Variants in TAFA5 observed in about 807,000 individuals in gnomAD.
TAFA5 encodes chemokine-like protein TAFA-5.
TAFA5 carries 6 observed loss-of-function variants against 15.3 expected under a neutral mutation model. The ratio of observed to expected loss-of-function variants is 0.39; its 90% CI spans 0.21 to 0.77. The LOEUF (loss-of-function observed/expected upper bound fraction) is 0.77. Ranked by LOEUF, TAFA5 falls within the 30% of genes least tolerant of loss-of-function variation. The pLI is 0.41. For synonymous variants in TAFA5, 103 were observed against 80.7 expected, an observed-to-expected ratio of 1.28 and a Z score of -1.48; for missense variants, 161 against 193.1, an observed-to-expected ratio of 0.83 and a Z score of 0.98.
chr22:48,654,425 T>C (rs4925421), intron 2 of TAFA5, among the ~76,000 whole-genome samples: 44,929 of 152,118 alleles, frequency 0.3, 7,652 homozygotes, highest in East Asian at 0.56. Context: ...CCACTCGTGC[T>C]CCTGCCTTGA....
chr22:48,700,831 G>A (rs1421412847), intron 2 of TAFA5, among the ~76,000 whole-genome samples: 3 of 152,206 alleles, frequency 2.0e-5, no homozygotes, highest in Admixed American at 2.0e-4. Flanking sequence ...AAGTTCAGAT[G>A]TCTGATCCTG....
intron 2 of TAFA5, among the ~76,000 whole-genome samples, chr22:48,704,161 A>G (rs1929004063): frequency 6.6e-6 from 1 of 150,830 alleles, no homozygotes; most frequent in Non-Finnish European, 1.5e-5. Flanking sequence ...CATGTCCTTC[A>G]GTGTTGGTGC....
At chr22:48,499,551 G>A (rs1358150564) in intron 1 of TAFA5, among the ~76,000 whole-genome samples, 3 of 152,162 alleles carry the variant, frequency 2.0e-5, no homozygotes, top group African/African-American at 7.2e-5. Context: ...CTGGTCCCTG[G>A]TTCCTGGTCC....
At chr22:48,609,969 C>T (rs763411655) in intron 1 of TAFA5, among the ~76,000 whole-genome samples, 22 of 152,222 alleles carry the variant, frequency 1.4e-4, no homozygotes, top group Non-Finnish European at 2.8e-4. Context: ...TAATGGCCCT[C>T]GCCTAACTTG....
At chr22:48,703,605 G>A (rs994286752) in intron 2 of TAFA5, among the ~76,000 whole-genome samples, 1 of 152,256 alleles carries the variant, frequency 6.6e-6, no homozygotes, top group African/African-American at 2.4e-5. Context: ...GCCGAGCCTT[G>A]TGCTGGGTAG....
At chr22:48,728,804 G>A (rs907075333) in intron 3 of TAFA5, among the ~76,000 whole-genome samples, 2 of 152,174 alleles carry the variant, frequency 1.3e-5, no homozygotes, top group Non-Finnish European at 2.9e-5. Context: ...AAAAAGAAAG[G>A]CATGGAGTGT....
intron 2 of TAFA5, among the ~76,000 whole-genome samples, chr22:48,658,782 T>C (rs5771906): frequency 0.6 from 91,075 of 152,080 alleles, 27,806 homozygotes; most frequent in East Asian, 0.91. Context: ...CGTCGACGTG[T>C]AGAGAGAGAA....
intron 1 of TAFA5, among the ~76,000 whole-genome samples, chr22:48,633,515 TGTCTGTCTGTCTGTCTGTCTCTCC>T (rs1347710603): frequency 7.5e-5 from 5 of 66,802 alleles, no homozygotes; most frequent in African/African-American, 3.6e-4. Context: ...TCTGTCTGTC[TGTCTGTCTGTCTGTCTGTCTCTCC>T]CTCTCTCTCT....
chr22:48,679,933 C>T (rs531156110), intron 2 of TAFA5, among the ~76,000 whole-genome samples: 2 of 152,362 alleles, frequency 1.3e-5, no homozygotes, highest in African/African-American at 2.4e-5. Context: ...AGCTCTGTCC[C>T]TTCCTTTAGG....
intron 1 of TAFA5, among the ~76,000 whole-genome samples, chr22:48,561,160 G>A (rs1923217094): frequency 6.6e-6 from 1 of 152,146 alleles, no homozygotes; most frequent in Admixed American, 6.5e-5. Flanking sequence ...GGCCCAGGGA[G>A]CAGCTGGGCT....
intron 1 of TAFA5, among the ~76,000 whole-genome samples, chr22:48,590,500 G>T (rs1430686348): frequency 5.3e-5 from 8 of 152,110 alleles, no homozygotes; most frequent in Admixed American, 5.2e-4. Context: ...CAACCCTGGC[G>T]GATTCACAGG....
chr22:48,567,827 C>T (rs543098351), intron 1 of TAFA5, among the ~76,000 whole-genome samples: 1 of 152,288 alleles, frequency 6.6e-6, no homozygotes, highest in East Asian at 1.9e-4. Context: ...AATGAGGTCT[C>T]ACAGGATGAT....
At chr22:48,716,990 TGAA>T (rs1929420336) in intron 3 of TAFA5, among the ~76,000 whole-genome samples, 1 of 152,008 alleles carries the variant, frequency 6.6e-6, no homozygotes, top group Non-Finnish European at 1.5e-5. Flanking sequence ...TAGCAGAAAA[TGAA>T]GAAGAAATTA....
At chr22:48,720,181 C>T (rs909223512) in intron 3 of TAFA5, among the ~76,000 whole-genome samples, 1 of 152,082 alleles carries the variant, frequency 6.6e-6, no homozygotes, top group African/African-American at 2.4e-5. Flanking sequence ...TTCCTGGTGC[C>T]CCCTACTGGT....
At chr22:48,608,830 C>T (rs896811822) in intron 1 of TAFA5, among the ~76,000 whole-genome samples, 4 of 152,220 alleles carry the variant, frequency 2.6e-5, no homozygotes, top group South Asian at 2.1e-4. Context: ...AGGCACCCGA[C>T]GCTCGGGAGC....
intron 2 of TAFA5, among the ~76,000 whole-genome samples, chr22:48,664,810 CT>C (rs1927557223): frequency 6.6e-6 from 1 of 152,198 alleles, no homozygotes; most frequent in East Asian, 1.9e-4. Context: ...TAAAATGTCC[CT>C]GTACCGCCAT....
chr22:48,583,847 CAAAAAAT>C, intron 1 of TAFA5, among the ~76,000 whole-genome samples: 1 of 139,442 alleles, frequency 7.2e-6, no homozygotes. Flanking sequence ...ACACGCCACA[CAAAAAAT>C]ACACCACACA....
chr22:48,648,862 C>T (rs557748876), intron 2 of TAFA5, among the ~76,000 whole-genome samples: 40 of 152,080 alleles, frequency 2.6e-4, no homozygotes, highest in Admixed American at 6.6e-5. Context: ...CTGGTATCAC[C>T]GGGAGAAAGG....
At chr22:48,528,471 C>A (rs1378545400) in intron 1 of TAFA5, among the ~76,000 whole-genome samples, 3 of 152,158 alleles carry the variant, frequency 2.0e-5, no homozygotes, top group African/African-American at 7.2e-5. Context: ...CTGCCTGCAG[C>A]CACTGCACCC....
Sources: gnomAD v4.1 joint callset for allele counts (sites outside exome capture counted in the v4.1 genomes callset) on GRCh38, gnomAD v4.1.1 for gene constraint, MANE v1.5 for transcripts, NCBI Gene and HGNC (gene_info 2026-07-23, HGNC 2026-07-21) for gene names.